Variants in RAB3C observed in about 807,000 individuals in gnomAD.
RAB3C encodes RAB3C, member RAS oncogene family.
A neutral mutation model predicts 26.4 loss-of-function variants in RAB3C; 17 were observed. The ratio of observed to expected loss-of-function variants is 0.64; its 90% CI spans 0.44 to 0.97. The LOEUF (loss-of-function observed/expected upper bound fraction) is 0.97. Among genes scored for constraint, RAB3C ranks in the 50% least tolerant of loss-of-function variants. RAB3C has a pLI of 0.00. For missense variants in RAB3C, 242 were observed against 281.9 expected (o/e 0.86, Z 1.01); for synonymous variants, 91 against 95.9 (o/e 0.95, Z 0.30).
chr5:58,614,424 A>T (rs955229945), intron 1 of RAB3C, among the ~76,000 whole-genome samples: 1 of 152,030 alleles, frequency 6.6e-6, no homozygotes, highest in Non-Finnish European at 1.5e-5. Context: ...TTCCAAATGC[A>T]TATCTTTTTG....
At chr5:58,587,968 G>C (rs1746047313) in intron 1 of RAB3C, among the ~76,000 whole-genome samples, 1 of 152,136 alleles carries the variant, frequency 6.6e-6, no homozygotes, top group African/African-American at 2.4e-5. Context: ...GTTCTTGTTT[G>C]AGTCTGGCTT....
At chr5:58,654,860 T>C (rs1236772957) in intron 2 of RAB3C, among the ~76,000 whole-genome samples, 1 of 152,212 alleles carries the variant, frequency 6.6e-6, no homozygotes, top group Admixed American at 6.5e-5. Flanking sequence ...TCCCAGGCAA[T>C]ATCCCAGGTA....
intron 2 of RAB3C, among the ~76,000 whole-genome samples, chr5:58,706,863 A>G (rs1748953085): frequency 1.3e-5 from 2 of 152,318 alleles, no homozygotes; most frequent in Admixed American, 1.3e-4. Flanking sequence ...AATCATTTTT[A>G]CCGTTGAGAC....
intron 2 of RAB3C, among the ~76,000 whole-genome samples, chr5:58,708,482 G>T (rs559177695): frequency 5.9e-5 from 9 of 152,262 alleles, no homozygotes; most frequent in Middle Eastern, 3.4e-3. Flanking sequence ...ATCATGCCTG[G>T]CATAATCCAG....
At chr5:58,679,722 A>G (rs989092583) in intron 2 of RAB3C, among the ~76,000 whole-genome samples, 3 of 152,228 alleles carry the variant, frequency 2.0e-5, no homozygotes, top group Non-Finnish European at 4.4e-5. Flanking sequence ...AAATTAAGCT[A>G]GTTAATACGG....
chr5:58,725,867 A>T, intron 2 of RAB3C, 135 bp from the exon 3 acceptor site: 1 of 501,562 alleles, frequency 2.0e-6, no homozygotes, highest in Admixed American at 3.4e-5. Flanking sequence ...GGGAAACAAG[A>T]CCAAAAAAGA....
intron 3 of RAB3C, among the ~76,000 whole-genome samples, chr5:58,733,972 T>C (rs1470870475): frequency 6.6e-6 from 1 of 152,202 alleles, no homozygotes; most frequent in African/African-American, 2.4e-5. Context: ...CCCTCTCTTA[T>C]TTATTTACAT....
chr5:58,670,729 T>G (rs902712001), intron 2 of RAB3C, among the ~76,000 whole-genome samples: 37 of 152,210 alleles, frequency 2.4e-4, no homozygotes, highest in African/African-American at 8.4e-4. Flanking sequence ...GCAGAGGCCT[T>G]ATGTCTGCTT....
intron 1 of RAB3C, among the ~76,000 whole-genome samples, chr5:58,588,508 C>A (rs1011990534): frequency 6.6e-6 from 1 of 152,040 alleles, no homozygotes; most frequent in African/African-American, 2.4e-5. Context: ...TATATCTTCC[C>A]TTGTGAATCA....
At chr5:58,610,214 G>GTGTGTGTA (rs1023969984) in intron 1 of RAB3C, among the ~76,000 whole-genome samples, 1 of 151,842 alleles carries the variant, frequency 6.6e-6, no homozygotes, top group African/African-American at 2.4e-5. Flanking sequence ...GTGTGTGTGT[G>GTGTGTGTA]TGTGTGTGTA....
chr5:58,795,448 G>C (rs1742622611), intron 3 of RAB3C, among the ~76,000 whole-genome samples: 1 of 152,124 alleles, frequency 6.6e-6, no homozygotes, highest in South Asian at 2.1e-4. Context: ...TCAGAACTCA[G>C]GCCATAGGAA....
At chr5:58,632,941 T>C (rs955022004) in intron 2 of RAB3C, among the ~76,000 whole-genome samples, 8 of 152,226 alleles carry the variant, frequency 5.3e-5, no homozygotes, top group Non-Finnish European at 7.3e-5. Context: ...CACCTTCATC[T>C]CAGTTTTCTA....
chr5:58,798,638 AG>A (rs1382707744), intron 3 of RAB3C, among the ~76,000 whole-genome samples: 2 of 152,212 alleles, frequency 1.3e-5, no homozygotes, highest in South Asian at 2.1e-4. Flanking sequence ...AATTACCTTC[AG>A]GCTATGTGTA....
At chr5:58,658,639 G>T (rs1747833446) in intron 2 of RAB3C, among the ~76,000 whole-genome samples, 1 of 152,124 alleles carries the variant, frequency 6.6e-6, no homozygotes, top group African/African-American at 2.4e-5. Context: ...TATTCTGTGG[G>T]TCAGCAATTT....
intron 2 of RAB3C, among the ~76,000 whole-genome samples, chr5:58,635,245 G>A (rs1046477000): frequency 1.3e-5 from 2 of 152,162 alleles, no homozygotes; most frequent in African/African-American, 2.4e-5. Context: ...GTGCTAAAAT[G>A]GCAAAGGAAA....
At chr5:58,743,465 A>G (rs1475637043) in intron 3 of RAB3C, among the ~76,000 whole-genome samples, 1 of 151,898 alleles carries the variant, frequency 6.6e-6, no homozygotes, top group East Asian at 1.9e-4. Context: ...TTACATAGGT[A>G]TACATGTGCT....
intron 2 of RAB3C, among the ~76,000 whole-genome samples, chr5:58,639,299 T>C (rs1474864289): frequency 2.0e-5 from 3 of 152,210 alleles, no homozygotes; most frequent in Admixed American, 1.3e-4. Context: ...TATCTTTACA[T>C]TGTCTTTTTC....
intron 2 of RAB3C, among the ~76,000 whole-genome samples, chr5:58,642,478 T>C (rs1420015130): frequency 6.6e-6 from 1 of 152,222 alleles, no homozygotes; most frequent in Non-Finnish European, 1.5e-5. Context: ...AACCACATTC[T>C]ACCTACAAGG....
At chr5:58,674,682 G>C (rs1748187366) in intron 2 of RAB3C, among the ~76,000 whole-genome samples, 2 of 152,194 alleles carry the variant, frequency 1.3e-5, no homozygotes, top group Non-Finnish European at 2.9e-5. Context: ...TAGGTGTTGA[G>C]ATGCTTTAAA....
Sources: gnomAD v4.1 joint callset for allele counts (sites outside exome capture counted in the v4.1 genomes callset) on GRCh38, gnomAD v4.1.1 for gene constraint, MANE v1.5 for transcripts, NCBI Gene and HGNC (gene_info 2026-07-23, HGNC 2026-07-21) for gene names.